The following ADAMTS17 variants were observed in gnomAD, a reference collection of about 807,000 sequenced individuals.
ADAMTS17 encodes ADAM metallopeptidase with thrombospondin type 1 motif 17.
ADAMTS17 carries 113 observed loss-of-function variants against 141.5 expected under a neutral mutation model. The observed-to-expected ratio is 0.80, with a 90% CI of 0.69 to 0.93. The LOEUF (loss-of-function observed/expected upper bound fraction) is 0.93. ADAMTS17 is among the 40% of genes least tolerant of loss of function. The pLI is 0.00. For missense variants in ADAMTS17, 1,659 were observed against 1,517.9 expected (o/e 1.09, Z -1.54); for synonymous variants, 768 against 630.6 (o/e 1.22, Z -3.27).
At chr15:100,129,670 G>A (rs2037931567) in intron 12 of ADAMTS17, 2 of 152,420 alleles carry the variant, frequency 1.3e-5, no homozygotes, top group African/African-American at 4.8e-5. Context: ...TTGAACCTGG[G>A]AGGTGGAGGC....
intron 18 of ADAMTS17, among the ~76,000 whole-genome samples, chr15:100,028,300 G>A (rs2029865151): frequency 6.6e-6 from 1 of 152,136 alleles, no homozygotes; most frequent in Admixed American, 6.6e-5. Flanking sequence ...TCCTCTAGTT[G>A]TGCCAGGGGT....
intron 3 of ADAMTS17, among the ~76,000 whole-genome samples, chr15:100,316,367 G>A (rs887078041): frequency 2.6e-5 from 4 of 152,176 alleles, no homozygotes; most frequent in Non-Finnish European, 1.5e-5. Context: ...TCAGAAATTT[G>A]GGAGCCAAGA....
intron 15 of ADAMTS17, among the ~76,000 whole-genome samples, chr15:100,066,370 T>C (rs1030055809): frequency 8.9e-5 from 12 of 135,044 alleles, no homozygotes; most frequent in African/African-American, 3.2e-4. Context: ...GGCATATGGA[T>C]ACACGTCTTA....
intron 9 of ADAMTS17, among the ~76,000 whole-genome samples, chr15:100,153,976 T>A (rs1391527143): frequency 2.0e-5 from 3 of 152,016 alleles, no homozygotes; most frequent in African/African-American, 4.8e-5. Context: ...GGATCAGGAG[T>A]TCGAGGCCAG....
At chr15:100,224,799 G>A (rs575151599) in intron 7 of ADAMTS17, among the ~76,000 whole-genome samples, 1 of 152,346 alleles carries the variant, frequency 6.6e-6, no homozygotes, top group South Asian at 2.1e-4. Flanking sequence ...AGAGCCTCCG[G>A]GGCCAACCCC....
At chr15:100,103,083 T>C (rs1162407736) in intron 14 of ADAMTS17, among the ~76,000 whole-genome samples, 1 of 152,184 alleles carries the variant, frequency 6.6e-6, no homozygotes, top group African/African-American at 2.4e-5. Flanking sequence ...TCACTGTTTG[T>C]GCTGGTTTAG....
At chr15:100,062,359 G>C (rs1225651734) in intron 15 of ADAMTS17, among the ~76,000 whole-genome samples, 2 of 152,230 alleles carry the variant, frequency 1.3e-5, no homozygotes, top group Admixed American at 6.5e-5. Context: ...GATCCACAGA[G>C]TGTGGTGCCA....
intron 15 of ADAMTS17, among the ~76,000 whole-genome samples, chr15:100,062,777 T>C (rs969057315): frequency 5.3e-5 from 8 of 152,198 alleles, no homozygotes; most frequent in African/African-American, 1.7e-4. Flanking sequence ...GATGATGACA[T>C]GAAAACAGCT....
At chr15:100,076,529 A>C (rs2034391951) in intron 15 of ADAMTS17, among the ~76,000 whole-genome samples, 1 of 152,114 alleles carries the variant, frequency 6.6e-6, no homozygotes, top group Non-Finnish European at 1.5e-5. Context: ...TGTGCTGGTA[A>C]ATTTATTTCA....
chr15:100,046,775 G>A (rs754899977), intron 18 of ADAMTS17, among the ~76,000 whole-genome samples: 7 of 152,150 alleles, frequency 4.6e-5, no homozygotes, highest in Non-Finnish European at 1.0e-4. Context: ...TTTGTAAGCT[G>A]AGGAGGCTGT....
At chr15:100,164,977 A>G (rs1362779577) in intron 8 of ADAMTS17, among the ~76,000 whole-genome samples, 2 of 152,214 alleles carry the variant, frequency 1.3e-5, no homozygotes, top group Non-Finnish European at 2.9e-5. Context: ...ATGGTGGCCT[A>G]GGGCACAGCC....
chr15:100,283,555 A>G (rs2044351994), intron 3 of ADAMTS17, among the ~76,000 whole-genome samples: 1 of 152,196 alleles, frequency 6.6e-6, no homozygotes, highest in African/African-American at 2.4e-5. Flanking sequence ...GCCCTTCTCA[A>G]AGTCAGTGTT....
In ADAMTS17 at chr15:100,281,474, C is replaced by T. The variant is rs138695302; in HGVS notation, c.617-73G>A. 1,289 of 1,541,974 alleles carry T rather than the reference C, an allele frequency of 8.4e-4. 11 individuals carry two copies. The African/African-American group carries it at 0.015, about 18-fold the overall frequency. ...CAAAACCATGCAGTGAACAGGCCTT[C>T]TGTCAAGCCTGCCCGAGAGAGTGGT... On this transcript the variant is annotated intron_variant, in intron 3 of 21. Coordinates refer to ENST00000268070, the MANE Select transcript of ADAMTS17 (RefSeq NM_139057.4).
intron 8 of ADAMTS17, among the ~76,000 whole-genome samples, chr15:100,157,532 C>G (rs2039491173): frequency 6.6e-6 from 1 of 152,180 alleles, no homozygotes; most frequent in Admixed American, 6.5e-5. Context: ...GTGGTCTGGA[C>G]TGCTATCAAC....
chr15:100,279,817 C>T (rs1213531651), intron 4 of ADAMTS17, among the ~76,000 whole-genome samples: 1 of 152,218 alleles, frequency 6.6e-6, no homozygotes, highest in African/African-American at 2.4e-5. Flanking sequence ...GCTGTTTCTA[C>T]AGCTGAGTTG....
At chr15:100,270,017 G>T (rs1209207023) in intron 4 of ADAMTS17, among the ~76,000 whole-genome samples, 1 of 152,226 alleles carries the variant, frequency 6.6e-6, no homozygotes, top group Non-Finnish European at 1.5e-5. Flanking sequence ...GTTCAAAAAT[G>T]AGACCACTTT....
chr15:100,131,948 G>A, intron 12 of ADAMTS17, 59 bp downstream of exon 12: 3 of 1,611,794 alleles, frequency 1.9e-6, no homozygotes, highest in South Asian at 1.1e-5. Context: ...GGCAGCGAGA[G>A]CTGCTGTTGG....
chr15:100,017,535 T>C (rs2061314687), intron 18 of ADAMTS17, among the ~76,000 whole-genome samples: 1 of 152,228 alleles, frequency 6.6e-6, no homozygotes, highest in Admixed American at 6.5e-5. Context: ...TCCCAGGGCC[T>C]TTCCCGCTGC....
chr15:100,029,370 T>C (rs2029906152), intron 18 of ADAMTS17, among the ~76,000 whole-genome samples: 1 of 152,230 alleles, frequency 6.6e-6, no homozygotes, highest in Admixed American at 6.5e-5. Context: ...AAAATGGCCG[T>C]TGCTTCCCAG....
Sources: gnomAD v4.1 joint callset for allele counts (sites outside exome capture counted in the v4.1 genomes callset) on GRCh38, gnomAD v4.1.1 for gene constraint, MANE v1.5 for transcripts, NCBI Gene and HGNC (gene_info 2026-07-23, HGNC 2026-07-21) for gene names.